STK3: variants seen among roughly 807,000 people sequenced by gnomAD.
The protein encoded by STK3 is serine/threonine-protein kinase 3.
In STK3, 41 loss-of-function variants were observed where a neutral mutation model predicts 58.0. The observed-to-expected ratio is 0.71, with a 90% CI of 0.55 to 0.92. The LOEUF is 0.92. Among genes scored for constraint, STK3 ranks in the 40% least tolerant of loss-of-function variants. STK3 has a pLI of 0.00. For missense variants in STK3, 479 were observed against 602.7 expected (o/e 0.79, Z 2.15); for synonymous variants, 170 against 191.0 (o/e 0.89, Z 0.91).
chr8:98,758,962 G>A (rs753369261), intron 3 of STK3, among the ~76,000 whole-genome samples: 6 of 152,166 alleles, frequency 3.9e-5, no homozygotes, highest in African/African-American at 1.4e-4. Context: ...GGCATTGCTC[G>A]AGATTAGGCT....
Position 98,732,220 on chromosome 8 carries a change from T to C in STK3, c.351+17056A>G, listed in dbSNP as rs190371524. 1.5e-4 allele frequency among the ~76,000 whole-genome samples: 23 copies of C among 151,782 alleles called. No homozygotes were observed. The East Asian group carries it at 1.9e-3, about 13-fold the overall frequency. ...AGATTCAACCTTTCAATAAAGAAAA[T>C]AGAAATTTTCCAAAGCTGAAGACAG... On this transcript the variant is annotated intron_variant, in intron 4 of 10. Transcript: ENST00000419617.
chr8:98,919,225 A>C (rs1370335663), intron 1 of STK3, among the ~76,000 whole-genome samples: 1 of 152,176 alleles, frequency 6.6e-6, no homozygotes, highest in Admixed American at 6.5e-5. Context: ...TAGAAGAGGG[A>C]CATTTTGAGG....
chr8:98,651,082 G>T (rs1306686145), intron 6 of STK3, among the ~76,000 whole-genome samples: 1 of 152,224 alleles, frequency 6.6e-6, no homozygotes, highest in Non-Finnish European at 1.5e-5. Context: ...GCCTAACTGG[G>T]AGGCACCCCC....
At chr8:98,744,286 C>T (rs1314679323) in intron 4 of STK3, among the ~76,000 whole-genome samples, 2 of 151,944 alleles carry the variant, frequency 1.3e-5, no homozygotes, top group Non-Finnish European at 2.9e-5. Flanking sequence ...GCACACGTAT[C>T]TTTATTGCAG....
At chr8:98,704,113 A>G (rs939236572) in intron 6 of STK3, among the ~76,000 whole-genome samples, 1 of 152,230 alleles carries the variant, frequency 6.6e-6, no homozygotes, top group Non-Finnish European at 1.5e-5. Flanking sequence ...GCTCTTTTCA[A>G]AGAACATCAT....
intron 3 of STK3, chr8:98,430,095 T>C (rs577479561): frequency 6.0e-6 from 1 of 167,226 alleles, no homozygotes; most frequent in African/African-American, 2.4e-5. Flanking sequence ...TTAGAGAATG[T>C]TACTTAGTTA....
At chr8:98,659,550 G>A (rs1388821913) in intron 6 of STK3, among the ~76,000 whole-genome samples, 2 of 151,234 alleles carry the variant, frequency 1.3e-5, no homozygotes, top group African/African-American at 2.4e-5. Flanking sequence ...GCATTGCTCA[G>A]TTGAAAAGTT....
intron 1 of STK3, among the ~76,000 whole-genome samples, chr8:98,805,904 GT>G (rs1331321704): frequency 6.6e-6 from 1 of 152,064 alleles, no homozygotes; most frequent in Non-Finnish European, 1.5e-5. Context: ...TCTCTGGGAA[GT>G]TTAAAGAAAT....
At chr8:98,892,630 C>T (rs1423689923) in intron 1 of STK3, among the ~76,000 whole-genome samples, 1 of 152,162 alleles carries the variant, frequency 6.6e-6, no homozygotes, top group Non-Finnish European at 1.5e-5. Flanking sequence ...CTCCCCGTTT[C>T]CTACCTTTGT....
intron 2 of STK3, among the ~76,000 whole-genome samples, chr8:98,373,691 T>C (rs1422727165): frequency 1.3e-5 from 2 of 152,186 alleles, no homozygotes; most frequent in Non-Finnish European, 2.9e-5. Context: ...GTGGTAGAAA[T>C]TCCTTCTGCC....
At chr8:98,598,429 A>G in intron 6 of STK3, 1 of 980,654 alleles carries the variant, frequency 1.0e-6, no homozygotes, top group Non-Finnish European at 1.2e-6. Flanking sequence ...CAAACAAATA[A>G]GTCTTAGCGT....
chr8:98,540,563 T>C (rs915138186), intron 9 of STK3, among the ~76,000 whole-genome samples: 4 of 152,228 alleles, frequency 2.6e-5, no homozygotes, highest in African/African-American at 7.2e-5. Context: ...CAAGTTTCTA[T>C]GAAAAATTTT....
At chr8:98,624,912 G>C (rs192180400) in intron 6 of STK3, among the ~76,000 whole-genome samples, 1 of 152,076 alleles carries the variant, frequency 6.6e-6, no homozygotes, top group Non-Finnish European at 1.5e-5. Flanking sequence ...TGGCTAGATA[G>C]AGGAGTAAAG....
chr8:98,740,716 A>C (rs866591705), intron 4 of STK3, among the ~76,000 whole-genome samples: 5 of 152,304 alleles, frequency 3.3e-5, no homozygotes, highest in African/African-American at 7.2e-5. Flanking sequence ...CTAACATCAT[A>C]ATGACAGGAT....
At chr8:98,667,663 T>C (rs912858950) in intron 6 of STK3, among the ~76,000 whole-genome samples, 2 of 152,098 alleles carry the variant, frequency 1.3e-5, no homozygotes, top group African/African-American at 2.4e-5. Context: ...ACTCTGATAG[T>C]CTTTTCTGAA....
chr8:98,576,363 T>C (rs1172383706), intron 8 of STK3, among the ~76,000 whole-genome samples: 1 of 152,224 alleles, frequency 6.6e-6, no homozygotes, highest in Admixed American at 6.5e-5. Flanking sequence ...TCTTTTTTGA[T>C]ATGTTTTGGC....
chr8:98,891,822 G>A (rs566464523), intron 1 of STK3, among the ~76,000 whole-genome samples: 21 of 152,228 alleles, frequency 1.4e-4, no homozygotes, highest in African/African-American at 3.9e-4. Context: ...TGTGAGGGCC[G>A]GGGGTTGGAC....
At chr8:98,665,069 C>T (rs1822237898) in intron 6 of STK3, among the ~76,000 whole-genome samples, 1 of 152,178 alleles carries the variant, frequency 6.6e-6, no homozygotes, top group Non-Finnish European at 1.5e-5. Context: ...GGCAAATTCC[C>T]AGAAAGAATG....
At chr8:98,400,960 C>T (rs7005586), downstream of STK3, among the ~76,000 whole-genome samples, 142 of 151,932 alleles carry the variant, frequency 9.3e-4, 1 homozygote, top group African/African-American at 3.3e-3. Flanking sequence ...CGAGAGATGG[C>T]GGCTGTGTCA....
Sources: allele counts gnomAD v4.1 joint callset (sites outside exome capture counted in the v4.1 genomes callset), GRCh38; gene constraint gnomAD v4.1.1; transcripts MANE v1.5; gene names NCBI Gene and HGNC (gene_info 2026-07-23, HGNC 2026-07-21).